Variants in SCN2A observed in about 807,000 individuals in gnomAD.
SCN2A encodes the protein sodium channel protein type 2 subunit alpha.
In SCN2A, 20 loss-of-function variants were observed where a neutral mutation model predicts 188.7. The ratio of observed to expected loss-of-function variants is 0.11; its 90% CI spans 0.07 to 0.15. SCN2A has a LOEUF of 0.15. Among genes scored for constraint, SCN2A ranks in the 10% least tolerant of loss-of-function variants. The pLI is 1.00. For synonymous variants in SCN2A, 804 were observed against 833.1 expected (o/e 0.97, Z 0.60); for missense variants, 1,278 against 2,445.0 (o/e 0.52, Z 10.07).
chr2:165,256,963 T>C (rs1694355957), intron 1 of SCN2A, among the ~76,000 whole-genome samples: 1 of 152,190 alleles, frequency 6.6e-6, no homozygotes, highest in African/African-American at 2.4e-5. Flanking sequence ...TAGTTCAACT[T>C]GTAACAAAGT....
chr2:165,362,776 A>T (rs1299765373), intron 17 of SCN2A, among the ~76,000 whole-genome samples: 1 of 152,212 alleles, frequency 6.6e-6, no homozygotes, highest in Non-Finnish European at 1.5e-5. Context: ...ATCCAACTGA[A>T]ATAATTTGAC....
chr2:165,259,660 C>T lies in SCN2A; in HGVS notation c.-52+20020C>T, dbSNP rs571291829. Among the ~76,000 whole-genome samples, 18 of 152,088 alleles carry T rather than the reference C, an allele frequency of 1.2e-4. No homozygotes were observed. In the East Asian group the frequency reaches 2.5e-3, roughly 21 times the overall value. On this transcript the variant is annotated intron_variant, in intron 1 of 26. Transcript: ENST00000375437. ...ACAGCAATTGAGTCACATTTTCAGG[C>T]TTCACTTCTATTCTAGTTCTCTTGC...
At chr2:165,295,437 A>G (rs1046421263) in intron 1 of SCN2A, among the ~76,000 whole-genome samples, 12 of 152,226 alleles carry the variant, frequency 7.9e-5, no homozygotes, top group Admixed American at 2.0e-4. Context: ...TGGCTGCCAA[A>G]ATATTCACAC....
intron 13 of SCN2A, among the ~76,000 whole-genome samples, chr2:165,330,306 A>C (rs985866316): frequency 6.6e-6 from 1 of 152,216 alleles, no homozygotes; most frequent in East Asian, 1.9e-4. Flanking sequence ...GACAGAAAAC[A>C]ACAAATTCTG....
intron 1 of SCN2A, among the ~76,000 whole-genome samples, chr2:165,292,688 A>T (rs1027303767): frequency 7.2e-5 from 11 of 152,224 alleles, no homozygotes; most frequent in African/African-American, 2.7e-4. Context: ...ATTATAATTG[A>T]TACCGGTGCC....
At chr2:165,362,053 C>T (rs542543711) in intron 17 of SCN2A, among the ~76,000 whole-genome samples, 50 of 152,120 alleles carry the variant, frequency 3.3e-4, no homozygotes, top group Non-Finnish European at 5.7e-4. Context: ...AAAGAGTCCT[C>T]GCACTGGTCA....
intron 3 of SCN2A, among the ~76,000 whole-genome samples, chr2:165,299,426 G>A (rs1696682659): frequency 6.6e-6 from 1 of 152,228 alleles, no homozygotes; most frequent in Non-Finnish European, 1.5e-5. Flanking sequence ...TCTCTGAGAA[G>A]TTTACAGATG....
At chr2:165,281,056 C>T (rs952532646) in intron 1 of SCN2A, among the ~76,000 whole-genome samples, 1 of 152,092 alleles carries the variant, frequency 6.6e-6, no homozygotes, top group Admixed American at 6.6e-5. Context: ...ACCCTCATCT[C>T]TACAAATAAA....
At chr2:165,265,772 T>C (rs1694832135) in intron 1 of SCN2A, among the ~76,000 whole-genome samples, 1 of 150,976 alleles carries the variant, frequency 6.6e-6, no homozygotes, top group Non-Finnish European at 1.5e-5. Context: ...GGAAAAAATA[T>C]TATTATTTCT....
intron 1 of SCN2A, among the ~76,000 whole-genome samples, chr2:165,279,722 A>G (rs551984529): frequency 6.6e-6 from 1 of 152,286 alleles, no homozygotes; most frequent in Admixed American, 6.5e-5. Flanking sequence ...AGCACAATTC[A>G]CAGAACTTGA....
At chr2:165,328,586 T>G in intron 13 of SCN2A, 1 of 829,256 alleles carries the variant, frequency 1.2e-6, no homozygotes, top group Non-Finnish European at 1.5e-6. Flanking sequence ...TAGCATTAAG[T>G]TTGAGCTAAA....
chr2:165,317,527 A>C (rs1007684508), intron 11 of SCN2A, among the ~76,000 whole-genome samples: 1 of 152,154 alleles, frequency 6.6e-6, no homozygotes, highest in Admixed American at 6.5e-5. Context: ...TTGAAACTTC[A>C]TATCAACTTC....
rs1439152285 is a variant in SCN2A at position 165,291,345 on chromosome 2, G to GTCAT, written c.-51-4426_-51-4425insATTC. 1.1e-3 allele frequency among the ~76,000 whole-genome samples: 110 copies of GTCAT among 102,744 alleles called. 1 individual carries two copies. Among genetic ancestry groups the GTCAT allele is most frequent in the African/African-American group, 3.7e-3 (108 of 29,098 alleles). The allele number at this position is 102,744 out of a possible 152,430, so 67.4% of individuals were successfully genotyped here. A position where few individuals can be genotyped will look rare whatever the true frequency, so the allele number is the denominator to read the frequency against. On this transcript the variant is annotated intron_variant, in intron 1 of 26. Transcript: ENST00000375437. ...AGGCATGAGCCACCGGGACTTGTCT[G>GTCAT]TCGTTCGTTCCTTCCTTCCTTCCTT...
intron 7 of SCN2A, among the ~76,000 whole-genome samples, chr2:165,311,028 A>G (rs1035110636): frequency 3.9e-5 from 6 of 152,112 alleles, no homozygotes; most frequent in Non-Finnish European, 7.4e-5. Flanking sequence ...ATATCTGAAA[A>G]TAGAGAAACC....
At position 165,370,128 on chromosome 2, in the gene SCN2A, C is replaced by G. The variant is rs1700949926; in HGVS notation, c.3678C>G (p.Ala1226=). The G allele has an allele frequency of 1.2e-6, 2 of 1,613,408 alleles. No homozygotes were observed. Among genetic ancestry groups the G allele is most frequent in the Non-Finnish European group, 1.7e-6 (2 of 1,179,598 alleles). Residue 1226 remains alanine (A), a splice_region_variant and synonymous_variant, in exon 20 of 27, where the codon GCC becomes GCG. Transcript: ENST00000375437. The part of the protein sequence containing the change: ...FMILLSSGAL[A]FEDIYIEQRK... ...TAATAGAATTTTTTGACTTACAGGCCTTTGAAGATATATACATTGAGCAGC... is the reference window on the plus strand; with the variant it reads ...TAATAGAATTTTTTGACTTACAGGCGTTTGAAGATATATACATTGAGCAGC...
At chr2:165,365,392 T>TAC in intron 18 of SCN2A, 129 bp downstream of exon 18, 1 of 1,046,224 alleles carries the variant, frequency 9.6e-7, no homozygotes, top group Non-Finnish European at 1.4e-6. Flanking sequence ...TATCTATCTA[T>TAC]CTATCTAGTA....
Position 165,354,687 on chromosome 2 carries a change from T to C in SCN2A, c.3399+16T>C. ...AAGCAAAGAGGTAAAAATGTTTAAA[T>C]AAGGAGATATTTTGGTGTTATATAA... On this transcript the variant is annotated intron_variant, in intron 17 of 26. Coordinates refer to ENST00000375437, the MANE Select transcript of SCN2A (RefSeq NM_001040142.2). The C allele has an allele frequency of 6.2e-7, 1 of 1,611,384 alleles. No individual in the cohort carries two copies.
chr2:165,374,088 T>G (rs1701187700), intron 21 of SCN2A, among the ~76,000 whole-genome samples: 1 of 152,168 alleles, frequency 6.6e-6, no homozygotes. Flanking sequence ...TTATCTAGTG[T>G]TACAATCACA....
In SCN2A at chr2:165,391,563, T is replaced by C. The variant is rs1702123840; in HGVS notation, c.*1739T>C. 6.6e-6 allele frequency: 1 copy of C among 152,502 alleles called. No homozygotes were observed. Among genetic ancestry groups the C allele is most frequent in the Non-Finnish European group, 1.5e-5 (1 of 67,990 alleles). The allele number at this position is 152,502 out of a possible 1,614,324, so 9.4% of individuals were successfully genotyped here. ...TAGGTTTCTGCTTTTTTATTAGTAC[T>C]GTAAACTTGCACACATTTCAATGTG... On this transcript the variant is annotated 3_prime_UTR_variant, in exon 27 of 27. Transcript: ENST00000375437.
Sources: gnomAD v4.1 joint callset for allele counts (sites outside exome capture counted in the v4.1 genomes callset) on GRCh38, gnomAD v4.1.1 for gene constraint, MANE v1.5 for transcripts, NCBI Gene and HGNC (gene_info 2026-07-23, HGNC 2026-07-21) for gene names.